The following BACH2 variants were observed in gnomAD, a reference collection of about 807,000 sequenced individuals.
BACH2 encodes transcription regulator protein BACH2.
Under a neutral mutation model 61.8 loss-of-function variants are expected in BACH2, and 5 were observed. That is an observed-to-expected ratio of 0.08 (90% CI 0.04 to 0.17). The LOEUF (loss-of-function observed/expected upper bound fraction) is 0.17, where lower values mean the gene tolerates loss of function less well. Among genes scored for constraint, BACH2 ranks in the 10% least tolerant of loss-of-function variants. The probability of loss-of-function intolerance (pLI) is 1.00; values close to 1 mark genes in which losing one functional copy is unlikely to be tolerated. For missense variants in BACH2, 824 were observed against 1,091.1 expected (o/e 0.76, Z 3.45); for synonymous variants, 446 against 440.1 (o/e 1.01, Z -0.17).
At chr6:90,268,928 T>C (rs1232599273) in intron 2 of BACH2, among the ~76,000 whole-genome samples, 1 of 152,180 alleles carries the variant, frequency 6.6e-6, no homozygotes, top group Non-Finnish European at 1.5e-5. Flanking sequence ...TCTAGGTAAA[T>C]AATTAAGTTC....
chr6:90,255,090 A>G (rs986362505), intron 2 of BACH2, among the ~76,000 whole-genome samples: 1 of 152,174 alleles, frequency 6.6e-6, no homozygotes, highest in Non-Finnish European at 1.5e-5. Context: ...AATACAAATC[A>G]TATCTCTATG....
chr6:90,078,606 G>A (rs1372950476), intron 5 of BACH2, among the ~76,000 whole-genome samples: 1 of 152,138 alleles, frequency 6.6e-6, no homozygotes, highest in Non-Finnish European at 1.5e-5. Flanking sequence ...CACATTTTAT[G>A]ATGCAACTGC....
Position 89,950,217 on chromosome 6 carries a change from G to C in BACH2, c.1836+53C>G. Reference sequence around the variant, plus strand: ...GTGGTGGGGGGCAGGGAGTAGTCCAGATAAAGGGCCTAGAGAGTGGGTCAC... The same window carrying C: ...GTGGTGGGGGGCAGGGAGTAGTCCACATAAAGGGCCTAGAGAGTGGGTCAC... On this transcript the variant is annotated intron_variant, in intron 7 of 8. Transcript: ENST00000257749. The surrounding 1 kb of genome is among the most constrained non-coding windows in gnomAD (Gnocchi z 5.3). The C allele has an allele frequency of 6.2e-7, 1 of 1,602,888 alleles. No homozygotes were observed. The highest frequency in any genetic ancestry group is 1.3e-5 in the African/African-American group (1 of 74,756).
chr6:90,102,658 C>T (rs1212975953), intron 4 of BACH2, among the ~76,000 whole-genome samples: 3 of 151,680 alleles, frequency 2.0e-5, no homozygotes, highest in African/African-American at 4.8e-5. Context: ...GGCATGATGG[C>T]GGGTGCCTGT....
chr6:90,148,199 G>A (rs539811749), intron 4 of BACH2, among the ~76,000 whole-genome samples: 64 of 152,250 alleles, frequency 4.2e-4, no homozygotes, highest in African/African-American at 1.4e-3. Flanking sequence ...AAAAACATAG[G>A]AGACTTGGAG....
At position 89,950,913 on chromosome 6, in the gene BACH2, C is replaced by T. The variant is rs778804055; in HGVS notation, c.1193G>A (p.Gly398Asp). The change falls in exon 7 of 9, where the codon GGC becomes GAC. Residue 398 changes from glycine (G) to aspartate (D), a missense_variant. Physicochemically the swap from Gly to Asp is moderately conservative, Grantham distance 94. Around this residue, in one of 8 missense-constraint regions of BACH2, gnomAD observed 226 missense variants for 228.5 expected, o/e 0.99. Coordinates refer to ENST00000257749, the MANE Select transcript of BACH2 (RefSeq NM_021813.4). The surrounding 1 kb of genome is among the most constrained non-coding windows in gnomAD (Gnocchi z 5.3). ...GGTGAAGTTGGACACCTCCTTCTGG[C>T]CCACGTGGGGCTGTCCATAATTCCC... Reference protein sequence around the residue: ...FTGNYGQPHVGQKEVSNFTMG... With the variant: ...FTGNYGQPHVDQKEVSNFTMG... 5.0e-6 allele frequency: 8 copies of T among 1,590,266 alleles called. No homozygotes were observed. In the South Asian group the frequency reaches 9.2e-5, roughly 18 times the overall value.
intron 6 of BACH2, among the ~76,000 whole-genome samples, chr6:89,990,102 G>A (rs1776462536): frequency 6.6e-6 from 1 of 152,136 alleles, no homozygotes; most frequent in South Asian, 2.1e-4. Context: ...ACTGTGAATA[G>A]GGCCACATCT....
intron 6 of BACH2, among the ~76,000 whole-genome samples, chr6:89,979,197 G>A (rs979518413): frequency 1.3e-5 from 2 of 152,142 alleles, no homozygotes; most frequent in Non-Finnish European, 2.9e-5. Context: ...TGGCATTCAA[G>A]GCTTCAGGGC....
intron 4 of BACH2, among the ~76,000 whole-genome samples, chr6:90,177,616 C>G (rs1479976396): frequency 6.6e-6 from 1 of 152,086 alleles, no homozygotes; most frequent in Non-Finnish European, 1.5e-5. Flanking sequence ...TGGATCGGAT[C>G]GTATGAAATC....
intron 5 of BACH2, among the ~76,000 whole-genome samples, chr6:90,059,282 AAAAC>A (rs1235800771): frequency 6.6e-6 from 1 of 152,278 alleles, no homozygotes; most frequent in African/African-American, 2.4e-5. Context: ...TTACAAGAAA[AAAAC>A]AAACAACCCC....
chr6:90,263,165 A>T (rs1288230110), intron 2 of BACH2, among the ~76,000 whole-genome samples: 3 of 152,192 alleles, frequency 2.0e-5, no homozygotes, highest in African/African-American at 7.2e-5. Flanking sequence ...ATCAGTGGGA[A>T]GCCAGTTATC....
chr6:90,076,366 G>A (rs1781471415), intron 5 of BACH2, among the ~76,000 whole-genome samples: 1 of 152,142 alleles, frequency 6.6e-6, no homozygotes. Context: ...AAAAGAAAAA[G>A]AATCTCACTC....
intron 7 of BACH2, among the ~76,000 whole-genome samples, chr6:89,941,199 G>A (rs2128354519): frequency 6.6e-6 from 1 of 152,310 alleles, no homozygotes; most frequent in South Asian, 2.1e-4. Flanking sequence ...ATCATTTGCA[G>A]GCAGACACGA....
Position 89,928,201 on chromosome 6 carries a change from C to T in BACH2, c.*4207G>A, listed in dbSNP as rs1033029376. The T allele has an allele frequency of 6.6e-6, 1 of 152,352 alleles. No individual in the cohort carries two copies. Among genetic ancestry groups the T allele is most frequent in the African/African-American group, 2.4e-5 (1 of 41,456 alleles). The allele number at this position is 152,352 out of a possible 1,614,324, so 9.4% of individuals were successfully genotyped here. A position where few individuals can be genotyped will look rare whatever the true frequency, so the allele number is the denominator to read the frequency against. On this transcript the variant is annotated 3_prime_UTR_variant, in exon 9 of 9. Coordinates refer to ENST00000257749, the MANE Select transcript of BACH2 (RefSeq NM_021813.4). Reference sequence around the variant, plus strand: ...TGAGGACCAAACTTGATTCTTGCTCCTTCTGGATCTGAGACTCCTCCTAAA... The same window carrying T: ...TGAGGACCAAACTTGATTCTTGCTCTTTCTGGATCTGAGACTCCTCCTAAA...
At chr6:90,240,084 G>T (rs1027453598) in intron 3 of BACH2, among the ~76,000 whole-genome samples, 4 of 151,986 alleles carry the variant, frequency 2.6e-5, no homozygotes, top group Non-Finnish European at 5.9e-5. Context: ...TTTGAATTAA[G>T]CATTAAAAAA....
intron 1 of BACH2, among the ~76,000 whole-genome samples, chr6:90,295,380 A>G (rs563856983): frequency 6.6e-6 from 1 of 152,226 alleles, no homozygotes; most frequent in South Asian, 2.1e-4. Flanking sequence ...CCGGCCCTGC[A>G]CGCTTCCCCT....
intron 1 of BACH2, among the ~76,000 whole-genome samples, chr6:90,277,167 C>A (rs1161863255): frequency 6.6e-6 from 1 of 152,190 alleles, no homozygotes; most frequent in East Asian, 1.9e-4. Flanking sequence ...ATGCCCAACA[C>A]AAATAATTAT....
intron 4 of BACH2, among the ~76,000 whole-genome samples, chr6:90,102,075 CA>C (rs1782652336): frequency 6.6e-6 from 1 of 152,028 alleles, no homozygotes; most frequent in Admixed American, 6.6e-5. Context: ...GAATTGCAGT[CA>C]AGTATTTTTA....
intron 5 of BACH2, among the ~76,000 whole-genome samples, chr6:90,059,978 G>T: frequency 8.6e-6 from 1 of 115,912 alleles, no homozygotes; most frequent in South Asian, 3.6e-4. Context: ...ACTGTTGTGG[G>T]GTGGGGGGAG....
Sources: allele counts gnomAD v4.1 joint callset (sites outside exome capture counted in the v4.1 genomes callset), GRCh38; gene constraint gnomAD v4.1.1; regional missense constraint gnomAD v4.1.1; non-coding constraint Gnocchi (gnomAD v3.1); transcripts MANE v1.5; gene names NCBI Gene and HGNC (gene_info 2026-07-23, HGNC 2026-07-21).